The following CTNNA3 variants were observed in gnomAD, a reference collection of about 807,000 sequenced individuals.
CTNNA3 encodes catenin alpha-3.
In CTNNA3, 76 loss-of-function variants were observed where a neutral mutation model predicts 95.7. The ratio of observed to expected loss-of-function variants is 0.79; its 90% CI spans 0.66 to 0.96. CTNNA3 has a LOEUF of 0.96. Ranked by LOEUF, CTNNA3 falls within the 40% of genes least tolerant of loss-of-function variation. CTNNA3 has a pLI of 0.00. For missense variants in CTNNA3, 1,191 were observed against 1,089.8 expected, an observed-to-expected ratio of 1.09 and a Z score of -1.31; for synonymous variants, 431 against 374.4, an observed-to-expected ratio of 1.15 and a Z score of -1.74.
chr10:66,415,884 C>A (rs1254152133), intron 11 of CTNNA3, among the ~76,000 whole-genome samples: 1 of 152,016 alleles, frequency 6.6e-6, no homozygotes, highest in Admixed American at 6.5e-5. Flanking sequence ...TTAGAAGAAG[C>A]AACTGCTACA....
chr10:66,851,063 C>G (rs1843466713), intron 7 of CTNNA3, among the ~76,000 whole-genome samples: 1 of 152,158 alleles, frequency 6.6e-6, no homozygotes, highest in East Asian at 1.9e-4. Context: ...CCAGACTCCT[C>G]TCACCCTGGC....
intron 14 of CTNNA3, among the ~76,000 whole-genome samples, chr10:66,092,533 A>G (rs1431999659): frequency 3.3e-5 from 5 of 151,882 alleles, no homozygotes; most frequent in Non-Finnish European, 5.9e-5. Flanking sequence ...TCTGCTTGCT[A>G]TTTCTTCCAC....
At chr10:67,204,029 T>C (rs1325731473) in intron 6 of CTNNA3, among the ~76,000 whole-genome samples, 1 of 152,152 alleles carries the variant, frequency 6.6e-6, no homozygotes, top group Non-Finnish European at 1.5e-5. Context: ...TAGCCCTCTC[T>C]TTAAAAGAAG....
rs1370432116 is a variant in CTNNA3 at position 66,158,889 on chromosome 10, A to ATTTTAT, written c.1885-55646_1885-55641dup. 4.6e-5 allele frequency among the ~76,000 whole-genome samples: 7 copies of ATTTTAT among 151,668 alleles called. No individual in the cohort carries two copies. The East Asian group carries it at 1.2e-3, about 25-fold the overall frequency. ...TCCTTGGTTAGGTATATTCCTAAAT[A>ATTTTAT]TTTTATTTTTATTTTTATTTTTTTG... On this transcript the variant is annotated intron_variant, in intron 13 of 17. Transcript: ENST00000433211.
intron 14 of CTNNA3, among the ~76,000 whole-genome samples, chr10:66,088,891 C>A (rs2081101302): frequency 6.6e-6 from 1 of 151,928 alleles, no homozygotes. Flanking sequence ...GGGCCTATGC[C>A]CAGTTTTCTG....
intron 5 of CTNNA3, among the ~76,000 whole-genome samples, chr10:67,430,668 C>T (rs1846080698): frequency 6.6e-6 from 1 of 151,732 alleles, no homozygotes; most frequent in Non-Finnish European, 1.5e-5. Context: ...TTGGTATGTG[C>T]TAGACATATC....
At chr10:66,069,193 T>C (rs73310121) in intron 15 of CTNNA3, 115 bp downstream of exon 15, 1 of 956,216 alleles carries the variant, frequency 1.0e-6, no homozygotes, top group African/African-American at 1.6e-5. Context: ...TATATTTGCT[T>C]TTCCCCTACC....
At chr10:67,595,104 C>T (rs1394081262) in intron 3 of CTNNA3, among the ~76,000 whole-genome samples, 1 of 152,136 alleles carries the variant, frequency 6.6e-6, no homozygotes, top group Non-Finnish European at 1.5e-5. Context: ...TGCATATACA[C>T]ACCAAAATGT....
intron 13 of CTNNA3, among the ~76,000 whole-genome samples, chr10:66,179,986 T>A (rs1162759468): frequency 1.3e-5 from 2 of 152,146 alleles, no homozygotes; most frequent in African/African-American, 4.8e-5. Context: ...TTTTTCTATC[T>A]TAGAAATTTA....
rs1277710291 is a variant in CTNNA3 at position 66,527,197 on chromosome 10, T to A, written c.1375-6424A>T. ...AGACTATCCTTTACCCATAGAATTA[T>A]CTGGGCAGCCTTGTCAAAAATCATT... On this transcript the variant is annotated intron_variant, in intron 10 of 17. Transcript: ENST00000433211. 2.6e-5 allele frequency among the ~76,000 whole-genome samples: 4 copies of A among 152,174 alleles called. No homozygotes were observed. In the East Asian group the frequency reaches 7.7e-4, roughly 29 times the overall value.
chr10:66,267,835 T>C (rs1490974663), intron 13 of CTNNA3, among the ~76,000 whole-genome samples: 5 of 152,134 alleles, frequency 3.3e-5, no homozygotes, highest in African/African-American at 9.6e-5. Context: ...AGATTATGTA[T>C]AGCTTAATAT....
intron 5 of CTNNA3, among the ~76,000 whole-genome samples, chr10:67,410,583 G>T (rs950273648): frequency 6.6e-6 from 1 of 151,036 alleles, no homozygotes; most frequent in Non-Finnish European, 1.5e-5. Context: ...CACACTATTG[G>T]TCAGAATGTA....
Position 66,716,638 on chromosome 10 carries a change from T to A in CTNNA3, c.1281+49626A>T, listed in dbSNP as rs574320599. Among the ~76,000 whole-genome samples the A allele has an allele frequency of 7.9e-5, 12 of 152,282 alleles. No individual in the cohort carries two copies. In the South Asian group the frequency reaches 2.5e-3, roughly 32 times the overall value. ...AGAGGCATTTATGTTTGTGTTTTTG[T>A]CATATGTGGGGCCCTCTAATGCATG... On this transcript the variant is annotated intron_variant, in intron 9 of 17. Coordinates refer to ENST00000433211, the MANE Select transcript of CTNNA3 (RefSeq NM_013266.4).
chr10:67,260,120 C>T (rs1026945190), intron 5 of CTNNA3, among the ~76,000 whole-genome samples: 1 of 152,102 alleles, frequency 6.6e-6, no homozygotes, highest in African/African-American at 2.4e-5. Flanking sequence ...ACAAATGAAC[C>T]CAATAACGGC....
chr10:66,271,029 G>T (rs1184929764), intron 13 of CTNNA3, among the ~76,000 whole-genome samples: 1 of 152,164 alleles, frequency 6.6e-6, no homozygotes, highest in Non-Finnish European at 1.5e-5. Context: ...AAAACATTGA[G>T]CTGTTGTATT....
At chr10:67,090,079 T>C (rs1857539933) in intron 7 of CTNNA3, among the ~76,000 whole-genome samples, 1 of 152,092 alleles carries the variant, frequency 6.6e-6, no homozygotes. Context: ...TATCTGCCAA[T>C]TTCTAAGTCA....
chr10:67,178,960 C>T lies in CTNNA3; in HGVS notation c.1047+1357G>A, dbSNP rs182271572. Among the ~76,000 whole-genome samples, 25 of 152,114 alleles carry T rather than the reference C, an allele frequency of 1.6e-4. 1 individual carries two copies. The highest frequency in any genetic ancestry group is 6.0e-4 in the African/African-American group (25 of 41,482). On this transcript the variant is annotated intron_variant, in intron 7 of 17. Transcript: ENST00000433211. ...TTTCTTATTAAAGAAATCTACCTTA[C>T]AACTTTGATTTATCGACAGGTGAGA...
intron 5 of CTNNA3, among the ~76,000 whole-genome samples, chr10:67,231,111 A>G (rs1359514150): frequency 6.6e-6 from 1 of 152,174 alleles, no homozygotes; most frequent in Admixed American, 6.5e-5. Context: ...GGCGCCCGCC[A>G]TTGCCCAGGC....
chr10:66,853,754 G>C (rs1478981918), intron 7 of CTNNA3, among the ~76,000 whole-genome samples: 1 of 151,956 alleles, frequency 6.6e-6, no homozygotes, highest in Non-Finnish European at 1.5e-5. Flanking sequence ...GACATCCCAA[G>C]CAATCATTTT....
Sources: allele counts gnomAD v4.1 joint callset (sites outside exome capture counted in the v4.1 genomes callset), GRCh38; gene constraint gnomAD v4.1.1; transcripts MANE v1.5; gene names NCBI Gene and HGNC (gene_info 2026-07-23, HGNC 2026-07-21).